Variants in PRKN observed in about 807,000 individuals in gnomAD.
The protein encoded by PRKN is parkin RBR E3 ubiquitin protein ligase.
Under a neutral mutation model 59.5 loss-of-function variants are expected in PRKN, and 56 were observed. That is an observed-to-expected ratio of 0.94 (90% CI 0.76 to 1.18). The LOEUF is 1.18. PRKN is among the 50% of genes most tolerant of loss of function. PRKN has a pLI of 0.00. For missense variants in PRKN, 657 were observed against 596.4 expected (o/e 1.10, Z -1.06); for synonymous variants, 250 against 222.1 (o/e 1.13, Z -1.12).
chr6:162,274,213 C>A (rs1283479209), intron 2 of PRKN, among the ~76,000 whole-genome samples: 1 of 149,450 alleles, frequency 6.7e-6, no homozygotes, highest in African/African-American at 2.5e-5. Context: ...TTTGTGAGAC[C>A]AGGTCTCCCT....
intron 1 of PRKN, among the ~76,000 whole-genome samples, chr6:162,548,595 A>G (rs1779212711): frequency 1.3e-5 from 2 of 152,216 alleles, no homozygotes; most frequent in South Asian, 2.1e-4. Flanking sequence ...GGATTGTAAT[A>G]CAAACCAAAG....
chr6:161,897,342 TC>T (rs1777666528), intron 6 of PRKN, among the ~76,000 whole-genome samples: 1 of 152,102 alleles, frequency 6.6e-6, no homozygotes, highest in African/African-American at 2.4e-5. Context: ...TCATTCAACT[TC>T]TCTTCTTTTT....
intron 9 of PRKN, among the ~76,000 whole-genome samples, chr6:161,501,164 G>A (rs1340876544): frequency 6.6e-6 from 1 of 152,140 alleles, no homozygotes; most frequent in African/African-American, 2.4e-5. Flanking sequence ...GAGCCATTGT[G>A]CCCGGCTGTG....
At chr6:162,074,696 C>A (rs191848049) in intron 4 of PRKN, among the ~76,000 whole-genome samples, 3 of 152,126 alleles carry the variant, frequency 2.0e-5, no homozygotes, top group Non-Finnish European at 4.4e-5. Flanking sequence ...TCGTCCTCCA[C>A]GAAAATGCAG....
chr6:161,963,524 G>A (rs187423965), intron 6 of PRKN, among the ~76,000 whole-genome samples: 5 of 152,308 alleles, frequency 3.3e-5, no homozygotes, highest in Non-Finnish European at 2.9e-5. Context: ...CTATGCTTTC[G>A]TAAGTAACTG....
intron 2 of PRKN, among the ~76,000 whole-genome samples, chr6:162,277,692 C>T (rs1450223276): frequency 1.3e-5 from 2 of 151,860 alleles, no homozygotes; most frequent in Non-Finnish European, 2.9e-5. Flanking sequence ...GTAGGCTCCA[C>T]ATCTTATGTC....
At chr6:161,977,886 T>C (rs184721483) in intron 5 of PRKN, among the ~76,000 whole-genome samples, 2 of 152,108 alleles carry the variant, frequency 1.3e-5, no homozygotes, top group African/African-American at 4.8e-5. Flanking sequence ...GCTCTAAAAC[T>C]TCCTTGAAAA....
In PRKN at chr6:161,483,712, G is replaced by T. The variant is rs748684610; in HGVS notation, c.1083+65142C>A. 6.6e-6 allele frequency among the ~76,000 whole-genome samples: 1 copy of T among 152,136 alleles called. No individual in the cohort carries two copies. The highest frequency in any genetic ancestry group is 1.5e-5 in the Non-Finnish European group (1 of 68,034). ...CTCTTCTACTTATTTCTTAAGGCAT[G>T]GGAGTGGCATAGTGAGATCCTGGCA... On this transcript the variant is annotated intron_variant, in intron 9 of 11. Coordinates refer to ENST00000366898, the MANE Select transcript of PRKN (RefSeq NM_004562.3). The surrounding 1 kb of genome is among the most constrained non-coding windows in gnomAD (Gnocchi z 5.0).
chr6:162,093,183 A>T (rs1337839939), intron 4 of PRKN, among the ~76,000 whole-genome samples: 2 of 152,190 alleles, frequency 1.3e-5, no homozygotes, highest in African/African-American at 4.8e-5. Context: ...CCCAGGTGAG[A>T]TTAAATCCTT....
chr6:161,625,797 G>T (rs1238915009), intron 7 of PRKN, among the ~76,000 whole-genome samples: 3 of 152,036 alleles, frequency 2.0e-5, no homozygotes, highest in African/African-American at 7.2e-5. Context: ...GAACATTTCT[G>T]CTCAGGCCTA....
At chr6:162,535,692 T>C (rs937783936) in intron 1 of PRKN, among the ~76,000 whole-genome samples, 2 of 152,000 alleles carry the variant, frequency 1.3e-5, no homozygotes, top group African/African-American at 4.8e-5. Context: ...GCAGATCTCT[T>C]GAGCTCAGGA....
chr6:162,625,167 T>C (rs1300490297), intron 1 of PRKN, among the ~76,000 whole-genome samples: 2 of 152,010 alleles, frequency 1.3e-5, no homozygotes, highest in Non-Finnish European at 2.9e-5. Flanking sequence ...TGTCGTGGAG[T>C]GAGGGCAACT....
At chr6:161,972,770 G>A (rs1562429620) in intron 6 of PRKN, among the ~76,000 whole-genome samples, 1 of 152,110 alleles carries the variant, frequency 6.6e-6, no homozygotes, top group Non-Finnish European at 1.5e-5. Context: ...AGTGGCTCAC[G>A]CCTGTAATCC....
At chr6:162,620,929 AT>A (rs1444011954) in intron 1 of PRKN, among the ~76,000 whole-genome samples, 2 of 152,182 alleles carry the variant, frequency 1.3e-5, no homozygotes, top group East Asian at 3.9e-4. Flanking sequence ...ATTTAAATTA[AT>A]TTTCTCTCAG....
chr6:161,461,693 G>A lies in PRKN; in HGVS notation c.1084-74816C>T, dbSNP rs1312637638. On this transcript the variant is annotated intron_variant, in intron 9 of 11. Coordinates refer to ENST00000366898, the MANE Select transcript of PRKN (RefSeq NM_004562.3). This position sits in a 1 kb window ranked among gnomAD's most constrained non-coding sequence, Gnocchi z 5.1. ...ACCGAGGTAAGAAGAGACAGGACAGGGTTGCATGTGGGTGAGGGAAGAGGT... is the reference window on the plus strand; with the variant it reads ...ACCGAGGTAAGAAGAGACAGGACAGAGTTGCATGTGGGTGAGGGAAGAGGT... Among the ~76,000 whole-genome samples the A allele has an allele frequency of 6.6e-6, 1 of 152,186 alleles. No individual in the cohort carries two copies. The highest frequency in any genetic ancestry group is 2.4e-5 in the African/African-American group (1 of 41,448).
intron 7 of PRKN, among the ~76,000 whole-genome samples, chr6:161,664,315 C>A (rs1784650022): frequency 6.6e-6 from 1 of 152,176 alleles, no homozygotes; most frequent in South Asian, 2.1e-4. Flanking sequence ...GAGGGTCTTC[C>A]TGTTACGGGA....
At chr6:161,981,993 G>A (rs561092749) in intron 5 of PRKN, among the ~76,000 whole-genome samples, 2 of 152,134 alleles carry the variant, frequency 1.3e-5, no homozygotes, top group Non-Finnish European at 2.9e-5. Context: ...CTGAGAAGGA[G>A]GCTGTCAGTT....
intron 11 of PRKN, among the ~76,000 whole-genome samples, chr6:161,350,648 T>C (rs1784497403): frequency 1.0e-5 from 1 of 96,420 alleles, no homozygotes; most frequent in Non-Finnish European, 1.8e-5. Flanking sequence ...ATTTAAAATA[T>C]ATATATTTTT....
At chr6:162,003,350 C>T (rs538777031) in intron 5 of PRKN, among the ~76,000 whole-genome samples, 13 of 152,182 alleles carry the variant, frequency 8.5e-5, no homozygotes, top group East Asian at 1.9e-4. Flanking sequence ...TACTTTTAAG[C>T]GAATTTTCTG....
Sources: gnomAD v4.1 joint callset for allele counts (sites outside exome capture counted in the v4.1 genomes callset) on GRCh38, gnomAD v4.1.1 for gene constraint, Gnocchi (gnomAD v3.1) non-coding constraint, MANE v1.5 for transcripts, NCBI Gene and HGNC (gene_info 2026-07-23, HGNC 2026-07-21) for gene names.